TCF12: variants seen among roughly 807,000 people sequenced by gnomAD.
The protein encoded by TCF12 is transcription factor 12, also known as DNA-binding protein HTF4.
Under a neutral mutation model 86.0 loss-of-function variants are expected in TCF12, and 45 were observed. The observed-to-expected ratio is 0.52, with a 90% CI of 0.41 to 0.67. TCF12 has a LOEUF of 0.67. Ranked by LOEUF, TCF12 falls within the 30% of genes least tolerant of loss-of-function variation. The pLI is 0.00. For synonymous variants in TCF12, 330 were observed against 299.6 expected, an observed-to-expected ratio of 1.10 and a Z score of -1.05; for missense variants, 881 against 859.9, an observed-to-expected ratio of 1.02 and a Z score of -0.31.
chr15:57,201,158 A>T (rs2151761004), intron 8 of TCF12, among the ~76,000 whole-genome samples: 1 of 152,306 alleles, frequency 6.6e-6, no homozygotes, highest in Non-Finnish European at 1.5e-5. Context: ...GGAAAAGTGG[A>T]CTTTTGTAGC....
chr15:57,084,053 CT>C (rs2048475472), intron 4 of TCF12, among the ~76,000 whole-genome samples: 1 of 152,036 alleles, frequency 6.6e-6, no homozygotes, highest in African/African-American at 2.4e-5. Flanking sequence ...CTGATGTTCT[CT>C]TTTCTTGCAA....
chr15:57,015,867 A>G (rs541907946), intron 3 of TCF12, among the ~76,000 whole-genome samples: 7 of 152,274 alleles, frequency 4.6e-5, no homozygotes, highest in Non-Finnish European at 1.0e-4. Context: ...GGGCGATCTC[A>G]TGACTTCTTG....
intron 3 of TCF12, among the ~76,000 whole-genome samples, chr15:57,048,888 C>G (rs1362679425): frequency 2.6e-5 from 4 of 152,116 alleles, no homozygotes; most frequent in Admixed American, 1.3e-4. Context: ...TTTATATCAT[C>G]AAGATATAAA....
intron 5 of TCF12, among the ~76,000 whole-genome samples, chr15:57,159,438 G>A (rs1391890307): frequency 6.6e-6 from 1 of 152,178 alleles, no homozygotes; most frequent in South Asian, 2.1e-4. Flanking sequence ...GAGCAAAAAG[G>A]TTAGGTAAAT....
intron 7 of TCF12, among the ~76,000 whole-genome samples, chr15:57,192,688 C>T (rs2057047986): frequency 6.6e-6 from 1 of 152,136 alleles, no homozygotes; most frequent in Non-Finnish European, 1.5e-5. Context: ...GTGCCCAGCC[C>T]TGTCTGTGCT....
At chr15:57,171,244 A>C (rs1210616929) in intron 6 of TCF12, among the ~76,000 whole-genome samples, 1 of 151,258 alleles carries the variant, frequency 6.6e-6, no homozygotes, top group African/African-American at 2.4e-5. Context: ...TTTTTTTTTA[A>C]GAATTCATAG....
At chr15:57,131,134 C>G (rs1302972129) in intron 5 of TCF12, among the ~76,000 whole-genome samples, 1 of 152,106 alleles carries the variant, frequency 6.6e-6, no homozygotes, top group Admixed American at 6.5e-5. Context: ...TAGGTGCTTT[C>G]ACTTAGGACT....
chr15:57,105,712 A>G (rs1347707890), intron 5 of TCF12, among the ~76,000 whole-genome samples: 4 of 152,120 alleles, frequency 2.6e-5, no homozygotes, highest in African/African-American at 7.2e-5. Flanking sequence ...ACGCCCAACC[A>G]TGAAAAGTTT....
rs555008089 is a variant in TCF12 at position 57,138,276 on chromosome 15, G to GT, written c.326-28120dup. 1.8e-4 allele frequency among the ~76,000 whole-genome samples: 28 copies of GT among 152,276 alleles called. No homozygotes were observed. The East Asian group carries it at 5.2e-3, about 28-fold the overall frequency. Reference sequence around the variant, plus strand: ...TTAACTAAAGATTTCTGTTTTTCATGTTTTTTCATTTAACACTGCTTCTCT... The same window carrying GT: ...TTAACTAAAGATTTCTGTTTTTCATGTTTTTTTCATTTAACACTGCTTCTCT... On this transcript the variant is annotated intron_variant, in intron 5 of 20. Coordinates refer to ENST00000333725, the MANE Select transcript of TCF12 (RefSeq NM_207037.2).
intron 3 of TCF12, among the ~76,000 whole-genome samples, chr15:57,005,926 A>T (rs2064345308): frequency 6.6e-6 from 1 of 152,168 alleles, no homozygotes; most frequent in Admixed American, 6.5e-5. Flanking sequence ...CCAGGTGAAA[A>T]GTCCGCTGCC....
intron 3 of TCF12, among the ~76,000 whole-genome samples, chr15:57,018,501 C>T (rs554168993): frequency 2.6e-5 from 4 of 151,868 alleles, no homozygotes; most frequent in East Asian, 3.9e-4. Context: ...CTAGCTCTAT[C>T]GCCCAGGCTG....
chr15:57,025,092 T>G (rs1053460925), intron 3 of TCF12, among the ~76,000 whole-genome samples: 8 of 152,080 alleles, frequency 5.3e-5, no homozygotes, highest in African/African-American at 1.9e-4. Context: ...TTTTTTTTTT[T>G]GAGACCAAGG....
At chr15:57,085,960 C>T (rs533694127) in intron 4 of TCF12, among the ~76,000 whole-genome samples, 2 of 152,084 alleles carry the variant, frequency 1.3e-5, no homozygotes, top group East Asian at 3.9e-4. Context: ...AGTTTCTTAC[C>T]ACCTTTCTTT....
intron 19 of TCF12, chr15:57,281,775 G>T (rs1389116917): frequency 1.3e-5 from 2 of 152,660 alleles, no homozygotes; most frequent in African/African-American, 4.8e-5. Context: ...CAGGCTCAGG[G>T]CTCCCACTGA....
chr15:57,174,727 C>A (rs545580622), intron 6 of TCF12, among the ~76,000 whole-genome samples: 2 of 152,268 alleles, frequency 1.3e-5, no homozygotes, highest in Admixed American at 1.3e-4. Flanking sequence ...TTTCTGTACA[C>A]TATCAGCAAA....
intron 3 of TCF12, among the ~76,000 whole-genome samples, chr15:56,938,145 CT>C (rs371049649): frequency 0.041 from 4,156 of 100,410 alleles, 229 homozygotes; most frequent in African/African-American, 0.14. Flanking sequence ...TTTTTTTCTT[CT>C]TTTTTTTTGT....
At chr15:57,244,743 C>T (rs571566460) in intron 13 of TCF12, among the ~76,000 whole-genome samples, 85 of 151,868 alleles carry the variant, frequency 5.6e-4, no homozygotes, top group Non-Finnish European at 9.1e-4. Flanking sequence ...GGATTACAGG[C>T]GTGACCCACT....
chr15:56,945,664 T>A (rs1351269083), intron 3 of TCF12, among the ~76,000 whole-genome samples: 1 of 152,206 alleles, frequency 6.6e-6, no homozygotes, highest in African/African-American at 2.4e-5. Flanking sequence ...GCTTTTAGAT[T>A]TTCTAGTTTT....
intron 19 of TCF12, among the ~76,000 whole-genome samples, chr15:57,278,066 A>G (rs1345745437): frequency 6.6e-6 from 1 of 152,186 alleles, no homozygotes; most frequent in Non-Finnish European, 1.5e-5. Flanking sequence ...CTCCTAGCAC[A>G]AACGATCCTC....
Sources: gnomAD v4.1 joint callset for allele counts (sites outside exome capture counted in the v4.1 genomes callset) on GRCh38, gnomAD v4.1.1 for gene constraint, MANE v1.5 for transcripts, NCBI Gene and HGNC (gene_info 2026-07-23, HGNC 2026-07-21) for gene names.